Variants in ABAT observed in about 807,000 individuals in gnomAD.
The protein encoded by ABAT is 4-aminobutyrate aminotransferase, also known as 4-aminobutyrate aminotransferase, mitochondrial.
Under a neutral mutation model 64.6 loss-of-function variants are expected in ABAT, and 45 were observed. The ratio of observed to expected loss-of-function variants is 0.70; its 90% CI spans 0.55 to 0.89. The LOEUF (loss-of-function observed/expected upper bound fraction) is 0.89. ABAT is among the 40% of genes least tolerant of loss of function. ABAT has a pLI of 0.00. For missense variants in ABAT, 633 were observed against 658.4 expected (o/e 0.96, Z 0.42); for synonymous variants, 297 against 250.5 (o/e 1.19, Z -1.75).
intron 2 of ABAT, among the ~76,000 whole-genome samples, chr16:8,738,739 G>A (rs1287854263): frequency 5.3e-5 from 8 of 151,466 alleles, no homozygotes; most frequent in Non-Finnish European, 1.2e-4. Context: ...CCACCTCCCG[G>A]ATTCAAGTGA....
At chr16:8,681,293 G>C (rs866422731) in intron 1 of ABAT, among the ~76,000 whole-genome samples, 1 of 151,290 alleles carries the variant, frequency 6.6e-6, no homozygotes, top group Admixed American at 6.6e-5. Context: ...GCCTGGCCCA[G>C]AGTTCTTTAT....
intron 1 of ABAT, among the ~76,000 whole-genome samples, chr16:8,733,857 C>G (rs1185418291): frequency 6.6e-6 from 1 of 152,174 alleles, no homozygotes; most frequent in African/African-American, 2.4e-5. Flanking sequence ...TCTTAATCTA[C>G]TTTAGGTTTC....
chr16:8,744,295 G>A lies in ABAT; in HGVS notation c.71-1706G>A, dbSNP rs547616592. On this transcript the variant is annotated intron_variant, in intron 2 of 15. Transcript: ENST00000268251. Reference sequence around the variant, plus strand: ...AGGCCTCAGGAAACTTCCAATCATGGTGGAAGGCAAAGGGCAAGCGAGGTG... The same window carrying A: ...AGGCCTCAGGAAACTTCCAATCATGATGGAAGGCAAAGGGCAAGCGAGGTG... Among the ~76,000 whole-genome samples the A allele has an allele frequency of 1.4e-4, 21 of 152,226 alleles. No individual in the cohort carries two copies. In the East Asian group the frequency reaches 3.9e-3, roughly 28 times the overall value.
chr16:8,688,228 A>T (rs2057502394), intron 1 of ABAT, among the ~76,000 whole-genome samples: 1 of 152,186 alleles, frequency 6.6e-6, no homozygotes, highest in Non-Finnish European at 1.5e-5. Flanking sequence ...ACACTGGGTA[A>T]CACTGGGTAC....
chr16:8,675,507 C>T (rs566050835), intron 1 of ABAT, among the ~76,000 whole-genome samples: 9 of 152,252 alleles, frequency 5.9e-5, no homozygotes, highest in African/African-American at 2.2e-4. Flanking sequence ...ATCCTCCCAC[C>T]GCTCCCAATC....
chr16:8,752,519 G>A (rs1482770225), intron 5 of ABAT, among the ~76,000 whole-genome samples: 1 of 152,222 alleles, frequency 6.6e-6, no homozygotes. Context: ...AGCACTTTGG[G>A]AGGCCAAGGG....
intron 6 of ABAT, among the ~76,000 whole-genome samples, chr16:8,760,971 C>CAGG (rs1022433530): frequency 8.5e-5 from 13 of 152,070 alleles, no homozygotes; most frequent in African/African-American, 3.1e-4. Flanking sequence ...CCCAGCTACT[C>CAGG]AGGAGGCTGA....
chr16:8,691,733 G>T (rs1273363), intron 1 of ABAT, among the ~76,000 whole-genome samples: 2 of 151,952 alleles, frequency 1.3e-5, no homozygotes, highest in African/African-American at 4.8e-5. Flanking sequence ...GAGCCACCGC[G>T]CCCAGTGCCA....
chr16:8,756,621 A>G (rs2059656627), intron 5 of ABAT, among the ~76,000 whole-genome samples: 1 of 152,208 alleles, frequency 6.6e-6, no homozygotes, highest in African/African-American at 2.4e-5. Context: ...GTGCGTGCGT[A>G]AGCATACACA....
At chr16:8,772,633 C>T (rs1456245401) in intron 11 of ABAT, 147 bp from the exon 12 acceptor site, 4 of 1,135,088 alleles carry the variant, frequency 3.5e-6, no homozygotes, top group African/African-American at 3.1e-5. Context: ...CACATAGCTT[C>T]TAACAGAGGC....
At chr16:8,738,658 C>T (rs13336159) in intron 2 of ABAT, among the ~76,000 whole-genome samples, 35,807 of 122,220 alleles carry the variant, frequency 0.29, 7,432 homozygotes, top group African/African-American at 0.54. Flanking sequence ...GTATGTGTGT[C>T]TGAGATGGAG....
At chr16:8,676,981 C>T (rs1358335163) in intron 1 of ABAT, among the ~76,000 whole-genome samples, 2 of 152,202 alleles carry the variant, frequency 1.3e-5, no homozygotes, top group Non-Finnish European at 2.9e-5. Context: ...TGCCCCCACC[C>T]AGTTCCCAGC....
At chr16:8,697,996 T>A (rs1008477968) in intron 1 of ABAT, among the ~76,000 whole-genome samples, 2 of 152,228 alleles carry the variant, frequency 1.3e-5, no homozygotes, top group African/African-American at 2.4e-5. Context: ...GTAGTAGTAA[T>A]AGCTGACATG....
chr16:8,732,939 A>C (rs1596436295), intron 1 of ABAT, among the ~76,000 whole-genome samples: 1 of 133,376 alleles, frequency 7.5e-6, no homozygotes, highest in Non-Finnish European at 1.6e-5. Context: ...TGACCCCCCT[A>C]CCTCCCTCCC....
intron 3 of ABAT, among the ~76,000 whole-genome samples, chr16:8,746,514 G>A (rs2142635577): frequency 6.6e-6 from 1 of 152,042 alleles, no homozygotes; most frequent in African/African-American, 2.4e-5. Flanking sequence ...CTGAGTAGCT[G>A]GGATTTTAGG....
At chr16:8,736,483 G>A (rs78315929) in intron 2 of ABAT, 6,836 of 152,704 alleles carry the variant, frequency 0.045, 247 homozygotes, top group Middle Eastern at 0.14. Flanking sequence ...TGCAGGGACC[G>A]CTGGGGAAAA....
intron 1 of ABAT, among the ~76,000 whole-genome samples, chr16:8,679,947 C>G (rs1263847088): frequency 2.6e-5 from 4 of 152,080 alleles, no homozygotes; most frequent in African/African-American, 9.7e-5. Flanking sequence ...CTGTCTTGCC[C>G]GTTGCAGGGA....
In ABAT at chr16:8,735,858, T is replaced by C. The variant is rs1640998; in HGVS notation, c.70+49T>C. 494,884 of 1,506,448 alleles carry C rather than the reference T, an allele frequency of 0.33. 84,124 individuals carry two copies. The highest frequency in any genetic ancestry group is 0.46 in the Middle Eastern group (2,686 of 5,862). The allele number at this position is 1,506,448 out of a possible 1,614,324, so 93.3% of individuals were successfully genotyped here. A position where few individuals can be genotyped will look rare whatever the true frequency, so the allele number is the denominator to read the frequency against. ...GAACTGGTACTAATGGAAGATACCA[T>C]CCAGACTAGGGATTCCTGGGCTGGA... On this transcript the variant is annotated intron_variant, in intron 2 of 15. Transcript: ENST00000268251.
At chr16:8,727,276 G>T (rs1312349763) in intron 1 of ABAT, among the ~76,000 whole-genome samples, 2 of 152,136 alleles carry the variant, frequency 1.3e-5, no homozygotes, top group Non-Finnish European at 2.9e-5. Flanking sequence ...CCTAGAAATT[G>T]TTGCTCGAGT....
Sources: gnomAD v4.1 joint callset for allele counts (sites outside exome capture counted in the v4.1 genomes callset) on GRCh38, gnomAD v4.1.1 for gene constraint, MANE v1.5 for transcripts, NCBI Gene and HGNC (gene_info 2026-07-23, HGNC 2026-07-21) for gene names.